Variants in RC3H1 observed in about 807,000 individuals in gnomAD.
The protein encoded by RC3H1 is roquin-1.
Under a neutral mutation model 138.2 loss-of-function variants are expected in RC3H1, and 50 were observed. The observed-to-expected ratio is 0.36, with a 90% confidence interval of 0.29 to 0.46. The LOEUF is 0.46. Ranked by LOEUF, RC3H1 falls within the 20% of genes least tolerant of loss-of-function variation. RC3H1 has a pLI of 1.00. For synonymous variants in RC3H1, 462 were observed against 489.1 expected (o/e 0.94, Z 0.73); for missense variants, 1,031 against 1,388.1 (o/e 0.74, Z 4.09).
At chr1:173,946,924 C>T (rs1345640274) in intron 15 of RC3H1, 88 bp from the exon 16 acceptor site, 5 of 867,330 alleles carry the variant, frequency 5.8e-6, no homozygotes, top group African/African-American at 1.7e-5. Flanking sequence ...CAGCGTATTG[C>T]ATACACAGGT....
intron 1 of RC3H1, among the ~76,000 whole-genome samples, chr1:174,008,978 A>AG (rs1661703659): frequency 1.2e-5 from 1 of 83,702 alleles, no homozygotes; most frequent in South Asian, 3.1e-4. Context: ...CTTTGTCTGA[A>AG]AAAAAAAAAA....
At chr1:173,958,124 A>G (rs753210379) in intron 13 of RC3H1, among the ~76,000 whole-genome samples, 4 of 152,198 alleles carry the variant, frequency 2.6e-5, no homozygotes, top group Non-Finnish European at 5.9e-5. Context: ...AGGATGCAAG[A>G]CAAGTTCCTT....
At chr1:173,982,619 A>AT in intron 5 of RC3H1, 108 bp downstream of exon 5, 6 of 959,360 alleles carry the variant, frequency 6.3e-6, no homozygotes, top group Non-Finnish European at 9.1e-6. Flanking sequence ...AATTGCTGAG[A>AT]TTTTCTGAAA....
At chr1:173,997,391 G>A (rs1044342169) in intron 1 of RC3H1, among the ~76,000 whole-genome samples, 3 of 152,050 alleles carry the variant, frequency 2.0e-5, no homozygotes, top group Non-Finnish European at 4.4e-5. Flanking sequence ...ACTCTAAAAC[G>A]ATTCAAAACA....
rs141740086 is a variant in RC3H1 at position 174,015,925 on chromosome 1, G to A, written c.-151+6171C>T. On this transcript the variant is annotated intron_variant, in intron 1 of 19. Coordinates refer to ENST00000367696, the MANE Select transcript of RC3H1 (RefSeq NM_172071.4). ...TACTTCAAGATAAAAGTTCGGCCGG[G>A]TGCAGTGGCTCATGTCTGTAATCCC... is the stretch of plus-strand genomic sequence containing the variant. 251 of 152,174 alleles carry A rather than the reference G, an allele frequency of 1.6e-3. 1 individual carries two copies. Among genetic ancestry groups the A allele is most frequent in the African/African-American group, 5.8e-3 (240 of 41,508 alleles). The allele number at this position is 152,174 out of a possible 1,614,324, so 9.4% of individuals were successfully genotyped here. A position where few individuals can be genotyped will look rare whatever the true frequency, so the allele number is the denominator to read the frequency against.
At chr1:173,985,357 A>G (rs946565349) in intron 2 of RC3H1, among the ~76,000 whole-genome samples, 1 of 149,112 alleles carries the variant, frequency 6.7e-6, no homozygotes, top group East Asian at 1.9e-4. Context: ...AAAAACTGCC[A>G]AACTATTTTC....
rs60694243 is a variant in RC3H1, at chr1:173,942,428, C to CAAAAAAAAAAAAAAAA, written c.3135+998_3135+1013dup. Among the ~76,000 whole-genome samples, 23 of 38,076 alleles carry CAAAAAAAAAAAAAAAA rather than the reference C, an allele frequency of 6.0e-4. 2 individuals carry two copies. Among genetic ancestry groups the CAAAAAAAAAAAAAAAA allele is most frequent in the African/African-American group, 3.2e-3 (22 of 6,984 alleles). The allele number at this position is 38,076 out of a possible 152,430, so 25.0% of individuals were successfully genotyped here. A position where few individuals can be genotyped will look rare whatever the true frequency, so the allele number is the denominator to read the frequency against. The stretch of plus-strand genomic sequence containing the variant: ...ACCCTGGGTGACAGAGACTCAGTCT[C>CAAAAAAAAAAAAAAAA]AAAAAAAAAAAAAAAAAAAAAAGAA... On this transcript the variant is annotated intron_variant, in intron 18 of 19. Transcript: ENST00000367696.
At chr1:174,012,540 T>TC (rs1360038953) in intron 1 of RC3H1, among the ~76,000 whole-genome samples, 6 of 151,844 alleles carry the variant, frequency 4.0e-5, no homozygotes, top group African/African-American at 1.5e-4. Context: ...TCCCAGCACT[T>TC]TGGGAGGCCG....
At chr1:173,987,776 A>G (rs1389611398) in intron 2 of RC3H1, among the ~76,000 whole-genome samples, 7 of 152,102 alleles carry the variant, frequency 4.6e-5, no homozygotes, top group African/African-American at 7.2e-5. Context: ...TATCTCGTAT[A>G]TCTATTTCTG....
intron 1 of RC3H1, among the ~76,000 whole-genome samples, chr1:174,019,545 T>C (rs769037325): frequency 2.6e-5 from 4 of 152,226 alleles, no homozygotes; most frequent in East Asian, 1.9e-4. Flanking sequence ...TAAATATTTT[T>C]ATTCATTCAA....
chr1:173,989,494 T>C (rs1245281019), intron 2 of RC3H1, among the ~76,000 whole-genome samples: 1 of 151,966 alleles, frequency 6.6e-6, no homozygotes, highest in Admixed American at 6.6e-5. Context: ...CAGCCAATTG[T>C]TCGTATCTTT....
At position 174,001,986 on chromosome 1, in the gene RC3H1, T is replaced by C. The variant is rs185074436; in HGVS notation, c.-150-8851A>G. On this transcript the variant is annotated intron_variant, in intron 1 of 19. Coordinates refer to ENST00000367696, the MANE Select transcript of RC3H1 (RefSeq NM_172071.4). The stretch of plus-strand genomic sequence containing the variant: ...CAGTTTACTCATTACCCTCAAAAAA[T>C]TTTACAAAATTGTTTGCTTTATTAT... Among the ~76,000 whole-genome samples, 5 of 152,284 alleles carry C rather than the reference T, an allele frequency of 3.3e-5. No individual in the cohort carries two copies. The East Asian group carries it at 9.6e-4, about 29-fold the overall frequency.
chr1:174,018,600 T>G (rs1315635696), intron 1 of RC3H1, among the ~76,000 whole-genome samples: 1 of 152,212 alleles, frequency 6.6e-6, no homozygotes, highest in Non-Finnish European at 1.5e-5. Context: ...AAATCCAGCC[T>G]AGATTCCAGA....
At chr1:173,950,649 G>GA (rs1309454842) in intron 14 of RC3H1, among the ~76,000 whole-genome samples, 4 of 152,040 alleles carry the variant, frequency 2.6e-5, no homozygotes, top group Non-Finnish European at 5.9e-5. Context: ...TAGAGGGAAT[G>GA]AAACAGGGAG....
In RC3H1 at chr1:173,993,100, C is replaced by T; in HGVS notation, c.-115G>A. 1 of 719,368 alleles carries T rather than the reference C, an allele frequency of 1.4e-6. No individual in the cohort carries two copies. Among genetic ancestry groups the T allele is most frequent in the Non-Finnish European group, 2.3e-6 (1 of 431,042 alleles). 44.6% of individuals were successfully genotyped at this position (719,368 alleles called of 1,614,324 possible). ...TATCTTTTTTTTTTTTAAATATCTT[C>T]TGTAGATACAGTCAGCACATAGTGT... On this transcript the variant is annotated 5_prime_UTR_variant, in exon 2 of 20. Transcript: ENST00000367696.
rs951542499 is a variant in RC3H1 at position 173,938,083 on chromosome 1, A to G, written c.*638T>C. On this transcript the variant is annotated 3_prime_UTR_variant, in exon 20 of 20. Coordinates refer to ENST00000367696, the MANE Select transcript of RC3H1 (RefSeq NM_172071.4). ...CCTCCCAAACAAACAAAAAGCTTCA[A>G]TGTCAAGAAAAATATACGTATCCAA... is the stretch of plus-strand genomic sequence containing the variant. 1.3e-5 allele frequency: 2 copies of G among 152,228 alleles called. No individual in the cohort carries two copies. Among genetic ancestry groups the G allele is most frequent in the African/African-American group, 2.4e-5 (1 of 41,462 alleles). The allele number at this position is 152,228 out of a possible 1,614,324, so 9.4% of individuals were successfully genotyped here.
intron 4 of RC3H1, 72 bp from the exon 5 acceptor site, chr1:173,982,974 A>C (rs1660883123): frequency 7.5e-7 from 1 of 1,328,896 alleles, no homozygotes; most frequent in Admixed American, 2.2e-5. Flanking sequence ...TAGAAGGGGA[A>C]TATTTAATCA....
rs150482468 is a variant in RC3H1 at position 174,006,940 on chromosome 1, C to T, written c.-150-13805G>A. 7.2e-5 allele frequency among the ~76,000 whole-genome samples: 11 copies of T among 152,254 alleles called. No homozygotes were observed. The East Asian group carries it at 2.1e-3, about 29-fold the overall frequency. ...GAGTGTTCAGTTCAACGAATTATCACAAAGTGAGCATACCTGCATACTTAA... is the reference window on the plus strand; with the variant it reads ...GAGTGTTCAGTTCAACGAATTATCATAAAGTGAGCATACCTGCATACTTAA... On this transcript the variant is annotated intron_variant, in intron 1 of 19. Transcript: ENST00000367696.
At chr1:173,991,893 T>A (rs184462831) in intron 2 of RC3H1, among the ~76,000 whole-genome samples, 19 of 152,304 alleles carry the variant, frequency 1.2e-4, no homozygotes, top group Middle Eastern at 3.4e-3. Flanking sequence ...TTATTTTTTT[T>A]ATTGTGATAA....
Sources: gnomAD v4.1 joint callset for allele counts (sites outside exome capture counted in the v4.1 genomes callset) on GRCh38, gnomAD v4.1.1 for gene constraint, MANE v1.5 for transcripts, NCBI Gene and HGNC (gene_info 2026-07-23, HGNC 2026-07-21) for gene names.